Variants in CREB3L2 observed in about 807,000 individuals in gnomAD.
The protein encoded by CREB3L2 is cyclic AMP-responsive element-binding protein 3-like protein 2.
In CREB3L2, 23 loss-of-function variants were observed where a neutral mutation model predicts 57.2. The ratio of observed to expected loss-of-function variants is 0.40; its 90% CI spans 0.29 to 0.57. CREB3L2 has a LOEUF of 0.57. Among genes scored for constraint, CREB3L2 ranks in the 20% least tolerant of loss-of-function variants. The pLI is 0.42. For missense variants in CREB3L2, 628 were observed against 634.7 expected (o/e 0.99, Z 0.11); for synonymous variants, 268 against 265.1 (o/e 1.01, Z -0.11).
At chr7:137,925,831 A>G (rs539722893) in intron 2 of CREB3L2, among the ~76,000 whole-genome samples, 2 of 152,342 alleles carry the variant, frequency 1.3e-5, no homozygotes, top group African/African-American at 4.8e-5. Flanking sequence ...TGGCCTAGGA[A>G]AGTGACTTTT....
At position 137,880,664 on chromosome 7, in the gene CREB3L2, T is replaced by C. The variant is rs183163260; in HGVS notation, c.1488-113A>G. The C allele has an allele frequency of 3.6e-4, 295 of 808,278 alleles. 1 individual carries two copies. In the African/African-American group the frequency reaches 4.5e-3, roughly 12 times the overall value. The allele number at this position is 808,278 out of a possible 1,614,324, so 50.1% of individuals were successfully genotyped here. ...GGGGTTGCAACTTGGTGAGACGGCC[T>C]GGGCATGTTTCTTGTCCTTTTCTCT... On this transcript the variant is annotated intron_variant, in intron 11 of 11. Transcript: ENST00000330387. This position sits in a 1 kb window ranked among gnomAD's most constrained non-coding sequence, Gnocchi z 4.0.
rs2117309612 is a variant in CREB3L2, at chr7:137,977,169, C to T, written c.102+24435G>A. Among the ~76,000 whole-genome samples the T allele has an allele frequency of 2.6e-5, 4 of 152,342 alleles. 1 individual carries two copies. In the Middle Eastern group the frequency reaches 0.01, roughly 389 times the overall value. On this transcript the variant is annotated intron_variant, in intron 1 of 11. Transcript: ENST00000330387. ...CTCCCCCGTTATTCTGACTCCCAAC[C>T]ACAGTGGAAGTCTGCATGGAAATGG...
chr7:137,909,137 G>A (rs2117210109), intron 4 of CREB3L2, among the ~76,000 whole-genome samples: 1 of 152,322 alleles, frequency 6.6e-6, no homozygotes, highest in Admixed American at 6.5e-5. Flanking sequence ...AAGCCGGTTT[G>A]TTTCTGGAGC....
In CREB3L2 at chr7:137,915,956, T is replaced by G. The variant is rs755488538; in HGVS notation, c.376A>C (p.Lys126Gln). The change falls in exon 3 of 12, where the codon AAG (lysine) becomes CAG (glutamine). Residue 126 changes from lysine (K) to glutamine (Q), a missense_variant. Lys to Gln is a moderately conservative substitution (Grantham distance 53). Coordinates refer to ENST00000330387, the MANE Select transcript of CREB3L2 (RefSeq NM_194071.4). ...LSTDFPSTSI[K>Q]TEPVTDEPPP... Reference sequence around the variant, plus strand: ...GGTTCGTCTGTAACTGGCTCTGTCTTGATGGATGTTGAAGGGAAGTCTGTA... The same window carrying G: ...GGTTCGTCTGTAACTGGCTCTGTCTGGATGGATGTTGAAGGGAAGTCTGTA... 3 of 1,614,084 alleles carry G rather than the reference T, an allele frequency of 1.9e-6. No homozygotes were observed. Among genetic ancestry groups the G allele is most frequent in the East Asian group, 4.5e-5 (2 of 44,866 alleles).
At chr7:137,989,432 G>GTTTTTTT (rs33944427) in intron 1 of CREB3L2, among the ~76,000 whole-genome samples, 2 of 106,032 alleles carry the variant, frequency 1.9e-5, no homozygotes, top group African/African-American at 3.7e-5. Context: ...CTTTTCTCCA[G>GTTTTTTT]TTTTTTTTTT....
chr7:137,905,833 C>A lies in CREB3L2; in HGVS notation c.784G>T (p.Gly262Cys), dbSNP rs1448728731. Residue 262 changes from glycine (G) to cysteine (C), a missense_variant, in exon 6 of 12, where the codon GGC (glycine) becomes TGC (cysteine). Physicochemically the swap from Gly to Cys is radical, Grantham distance 159 (BLOSUM62 -3). Around this residue, in one of 3 missense-constraint regions of CREB3L2, gnomAD observed 339 missense variants for 355.4 expected, o/e 0.95. Transcript: ENST00000330387. ...TCCTCCTCTGTCAGGACCAGAGGGC[C>A]TGATCCCTGCAGTTTCTGTGCAGAC... is the stretch of plus-strand genomic sequence containing the variant. ...LTAPHKLQGSGPLVLTEEEKR... is the reference protein window; with the variant it reads ...LTAPHKLQGSCPLVLTEEEKR... 6 of 1,612,404 alleles carry A rather than the reference C, an allele frequency of 3.7e-6. No homozygotes were observed. Among genetic ancestry groups the A allele is most frequent in the Non-Finnish European group, 5.1e-6 (6 of 1,179,320 alleles).
At chr7:137,951,558 T>C (rs1422886636) in intron 1 of CREB3L2, among the ~76,000 whole-genome samples, 4 of 152,190 alleles carry the variant, frequency 2.6e-5, no homozygotes, top group African/African-American at 4.8e-5. Flanking sequence ...ATAACAAGAA[T>C]TGATTGTACT....
At chr7:137,888,179 G>A (rs1186989918) in intron 8 of CREB3L2, among the ~76,000 whole-genome samples, 4 of 152,080 alleles carry the variant, frequency 2.6e-5, no homozygotes, top group Non-Finnish European at 5.9e-5. Context: ...TGCCCAGCTC[G>A]TCTGGAACTT....
intron 1 of CREB3L2, among the ~76,000 whole-genome samples, chr7:137,978,287 A>G (rs899109531): frequency 2.0e-5 from 3 of 152,210 alleles, no homozygotes; most frequent in African/African-American, 7.2e-5. Flanking sequence ...ATATAAAGCA[A>G]GAGATTTTAC....
At chr7:137,965,427 C>T (rs1337764860) in intron 1 of CREB3L2, among the ~76,000 whole-genome samples, 1 of 152,104 alleles carries the variant, frequency 6.6e-6, no homozygotes, top group African/African-American at 2.4e-5. Context: ...ATAATTAAAT[C>T]GAATCAATGA....
intron 8 of CREB3L2, among the ~76,000 whole-genome samples, chr7:137,888,468 T>C (rs889040454): frequency 3.9e-5 from 6 of 152,090 alleles, no homozygotes; most frequent in Admixed American, 6.6e-5. Context: ...AGCTGCCTTT[T>C]CCTTCTGCAC....
chr7:137,959,212 T>C (rs910692766), intron 1 of CREB3L2, among the ~76,000 whole-genome samples: 15 of 152,206 alleles, frequency 9.9e-5, no homozygotes, highest in Non-Finnish European at 4.4e-5. Context: ...TCGAGTTGCT[T>C]TGGCCAACAC....
At chr7:137,897,122 A>G (rs1299295153) in intron 8 of CREB3L2, among the ~76,000 whole-genome samples, 1 of 152,212 alleles carries the variant, frequency 6.6e-6, no homozygotes, top group Non-Finnish European at 1.5e-5. Context: ...AAAGGTAATT[A>G]TGTGGAGTGA....
intron 1 of CREB3L2, among the ~76,000 whole-genome samples, chr7:137,989,341 T>G (rs1203879940): frequency 6.6e-6 from 1 of 151,634 alleles, no homozygotes; most frequent in African/African-American, 2.4e-5. Flanking sequence ...GTCAGCTGAA[T>G]AGCACACTCA....
At chr7:137,969,791 C>CAT (rs1554503239) in intron 1 of CREB3L2, among the ~76,000 whole-genome samples, 3 of 148,564 alleles carry the variant, frequency 2.0e-5, no homozygotes, top group Non-Finnish European at 4.5e-5. Flanking sequence ...CACACACACA[C>CAT]ACAACATACA....
intron 1 of CREB3L2, among the ~76,000 whole-genome samples, chr7:137,943,962 A>G (rs1266750206): frequency 6.6e-6 from 1 of 152,208 alleles, no homozygotes; most frequent in Non-Finnish European, 1.5e-5. Flanking sequence ...TTCAGCATTC[A>G]TGCAAAATGC....
intron 2 of CREB3L2, chr7:137,922,492 AC>A: frequency 4.7e-6 from 1 of 213,932 alleles, no homozygotes; most frequent in African/African-American, 3.5e-5. Context: ...ATATACACAC[AC>A]ACACACACAC....
At chr7:137,928,746 G>A (rs1337616232) in intron 1 of CREB3L2, among the ~76,000 whole-genome samples, 1 of 152,146 alleles carries the variant, frequency 6.6e-6, no homozygotes, top group Non-Finnish European at 1.5e-5. Context: ...AATCTTCCAT[G>A]AGGGAGAAAA....
At chr7:137,884,833 G>A (rs755043810) in intron 10 of CREB3L2, 162 bp downstream of exon 10, 4 of 941,408 alleles carry the variant, frequency 4.2e-6, no homozygotes, top group Non-Finnish European at 6.8e-6. Flanking sequence ...GTGGATGAGG[G>A]GCCCCAGGGG....
Sources: allele counts gnomAD v4.1 joint callset (sites outside exome capture counted in the v4.1 genomes callset), GRCh38; gene constraint gnomAD v4.1.1; regional missense constraint gnomAD v4.1.1; non-coding constraint Gnocchi (gnomAD v3.1); transcripts MANE v1.5; gene names NCBI Gene and HGNC (gene_info 2026-07-23, HGNC 2026-07-21).